The following ZNF462 variants were observed in gnomAD, a reference collection of about 807,000 sequenced individuals.
ZNF462 encodes the protein zinc finger protein 462.
A neutral mutation model predicts 201.9 loss-of-function variants in ZNF462; 10 were observed. The ratio of observed to expected loss-of-function variants is 0.05; its 90% CI spans 0.03 to 0.08. The LOEUF is 0.08. Ranked by LOEUF, ZNF462 falls within the 10% of genes least tolerant of loss-of-function variation. The pLI is 1.00. For missense variants in ZNF462, 2,523 were observed against 3,168.3 expected (o/e 0.80, Z 4.89); for synonymous variants, 1,227 against 1,193.3 (o/e 1.03, Z -0.58).
chr9:106,869,356 G>A (rs1564066734), intron 1 of ZNF462, among the ~76,000 whole-genome samples: 1 of 152,266 alleles, frequency 6.6e-6, no homozygotes, highest in East Asian at 1.9e-4. Context: ...CATTTTCCCA[G>A]TATACATGAA....
intron 7 of ZNF462, among the ~76,000 whole-genome samples, chr9:106,952,211 C>A (rs1189864782): frequency 6.6e-6 from 1 of 152,036 alleles, no homozygotes; most frequent in Admixed American, 6.6e-5. Flanking sequence ...ACATGCATGT[C>A]CTTAGTTAAA....
chr9:106,969,649 C>A (rs960121106), intron 7 of ZNF462, among the ~76,000 whole-genome samples: 1 of 152,052 alleles, frequency 6.6e-6, no homozygotes, highest in African/African-American at 2.4e-5. Flanking sequence ...AGATGACTAC[C>A]AGCATTCATA....
chr9:106,926,878 C>G lies in ZNF462; in HGVS notation c.2966C>G (p.Ala989Gly). The G allele has an allele frequency of 6.2e-7, 1 of 1,614,094 alleles. No homozygotes were observed. Among genetic ancestry groups the G allele is most frequent in the Non-Finnish European group, 8.5e-7 (1 of 1,180,030 alleles). The change falls in exon 3 of 13, where the codon GCG (alanine) becomes GGG (glycine). Residue 989 changes from alanine to glycine, a missense_variant. Around this residue, in one of 15 missense-constraint regions of ZNF462, gnomAD observed 280 missense variants for 321.3 expected, o/e 0.87. Coordinates refer to ENST00000277225, the MANE Select transcript of ZNF462 (RefSeq NM_021224.6). The surrounding 1 kb of genome is among the most constrained non-coding windows in gnomAD (Gnocchi z 7.9). ...CTGAATTCGGCTCCCAAGAACATGG[C>G]GACTTCCACACCTGTGGCTCGTGGT... ...EILNSAPKNM[A>G]TSTPVARGGG...
upstream of ZNF462, among the ~76,000 whole-genome samples, chr9:106,860,300 C>T (rs1047205214): frequency 6.6e-6 from 1 of 152,196 alleles, no homozygotes. The surrounding 1 kb of genome is among the most constrained non-coding windows in gnomAD (Gnocchi z 7.1). Flanking sequence ...GCCGCTTCCC[C>T]GGTCTTTGCC....
At position 106,890,339 on chromosome 9, in the gene ZNF462, G is replaced by T. The variant is rs776428651; in HGVS notation, c.-31+26984G>T. ...GCAACACATGCAGTGCCCCTTCCGGGAACACTGGTGATCTTCTGGTCTCTT... is the reference window on the plus strand; with the variant it reads ...GCAACACATGCAGTGCCCCTTCCGGTAACACTGGTGATCTTCTGGTCTCTT... On this transcript the variant is annotated intron_variant, in intron 1 of 12. Coordinates refer to ENST00000277225, the MANE Select transcript of ZNF462 (RefSeq NM_021224.6). The surrounding 1 kb of genome is among the most constrained non-coding windows in gnomAD (Gnocchi z 4.2). Among the ~76,000 whole-genome samples, 4 of 152,214 alleles carry T rather than the reference G, an allele frequency of 2.6e-5. No individual in the cohort carries two copies. The highest frequency in any genetic ancestry group is 4.4e-5 in the Non-Finnish European group (3 of 68,042).
chr9:106,991,701 A>C (rs1383913036), intron 10 of ZNF462, among the ~76,000 whole-genome samples: 3 of 151,990 alleles, frequency 2.0e-5, no homozygotes, highest in Non-Finnish European at 4.4e-5. Context: ...TCAAGAAATA[A>C]ACCCTCATAT....
chr9:106,949,135 A>C lies in ZNF462; in HGVS notation c.6427+10028A>C, dbSNP rs372227229. 1.7e-4 allele frequency among the ~76,000 whole-genome samples: 26 copies of C among 152,268 alleles called. 1 individual carries two copies. The South Asian group carries it at 5.0e-3, about 29-fold the overall frequency. ...AAGACTTTGTGAAAGGATAAATACA[A>C]AATAAGTTGGGTAGCTGATGACCCT... is the stretch of plus-strand genomic sequence containing the variant. On this transcript the variant is annotated intron_variant, in intron 7 of 12. Coordinates refer to ENST00000277225, the MANE Select transcript of ZNF462 (RefSeq NM_021224.6).
Position 106,895,173 on chromosome 9 carries a change from C to G in ZNF462, c.-30-28181C>G, listed in dbSNP as rs1031756558. 6.6e-6 allele frequency among the ~76,000 whole-genome samples: 1 copy of G among 152,110 alleles called. No individual in the cohort carries two copies. The highest frequency in any genetic ancestry group is 1.5e-5 in the Non-Finnish European group (1 of 68,018). Reference sequence around the variant, plus strand: ...TTATTGGCACTGTTCTTTTAAAATTCAGTTAAAAGTATCATTTTCCATTTA... The same window carrying G: ...TTATTGGCACTGTTCTTTTAAAATTGAGTTAAAAGTATCATTTTCCATTTA... On this transcript the variant is annotated intron_variant, in intron 1 of 12. Coordinates refer to ENST00000277225, the MANE Select transcript of ZNF462 (RefSeq NM_021224.6). The surrounding 1 kb of genome is among the most constrained non-coding windows in gnomAD (Gnocchi z 4.4).
Position 106,923,215 on chromosome 9 carries a change from A to G in ZNF462, c.-30-139A>G, listed in dbSNP as rs112425196. 8.8e-5 allele frequency: 56 copies of G among 637,178 alleles called. No homozygotes were observed. The highest frequency in any genetic ancestry group is 4.4e-4 in the African/African-American group (24 of 54,868). The allele number at this position is 637,178 out of a possible 1,614,324, so 39.5% of individuals were successfully genotyped here. Reference sequence around the variant, plus strand: ...ATGTCTGATTGCCTCTCTTTAGCCAATGTTCCAACTGGCAAAGTCCAATAA... The same window carrying G: ...ATGTCTGATTGCCTCTCTTTAGCCAGTGTTCCAACTGGCAAAGTCCAATAA... On this transcript the variant is annotated intron_variant, in intron 1 of 12. Coordinates refer to ENST00000277225, the MANE Select transcript of ZNF462 (RefSeq NM_021224.6). This position sits in a 1 kb window ranked among gnomAD's most constrained non-coding sequence, Gnocchi z 5.6.
At chr9:106,951,920 G>T (rs1831370130) in intron 7 of ZNF462, among the ~76,000 whole-genome samples, 1 of 151,294 alleles carries the variant, frequency 6.6e-6, no homozygotes, top group Non-Finnish European at 1.5e-5. Flanking sequence ...TGACTCTTTC[G>T]GTGTATTGCT....
At chr9:106,911,975 A>G (rs1178811953) in intron 1 of ZNF462, among the ~76,000 whole-genome samples, 1 of 152,236 alleles carries the variant, frequency 6.6e-6, no homozygotes, top group Non-Finnish European at 1.5e-5. Context: ...AGCGAAATCC[A>G]GTATGAACAA....
At chr9:106,998,125 C>A (rs1828881510) in intron 10 of ZNF462, among the ~76,000 whole-genome samples, 1 of 152,276 alleles carries the variant, frequency 6.6e-6, no homozygotes, top group Non-Finnish European at 1.5e-5. Flanking sequence ...GCTGCACATT[C>A]TTTTTAACAT....
rs1236632270 is a variant in ZNF462, at chr9:106,982,736, C to T, written c.6833-1450C>T. 3.3e-5 allele frequency among the ~76,000 whole-genome samples: 5 copies of T among 152,164 alleles called. No individual in the cohort carries two copies. The East Asian group carries it at 5.8e-4, about 18-fold the overall frequency. On this transcript the variant is annotated intron_variant, in intron 9 of 12. Transcript: ENST00000277225. ...CACGCTTCCTCTGCCCAGCATTTTGCGGGCCGATTAATCGCTGCCTTCAAG... is the reference window on the plus strand; with the variant it reads ...CACGCTTCCTCTGCCCAGCATTTTGTGGGCCGATTAATCGCTGCCTTCAAG...
In ZNF462 at chr9:107,011,207, G is replaced by A; in HGVS notation, c.*177G>A. The A allele has an allele frequency of 1.7e-6, 1 of 595,446 alleles. No individual in the cohort carries two copies. Among genetic ancestry groups the A allele is most frequent in the South Asian group, 2.1e-5 (1 of 47,892 alleles). 36.9% of individuals were successfully genotyped at this position (595,446 alleles called of 1,614,324 possible). On this transcript the variant is annotated 3_prime_UTR_variant, in exon 13 of 13. Transcript: ENST00000277225. The surrounding 1 kb of genome is among the most constrained non-coding windows in gnomAD (Gnocchi z 5.6). ...TGTGTGAGTGAGTATGTAAATTAAA[G>A]TTATTTAAATGGTTGGAATATGTGG...
At chr9:106,982,147 T>C (rs1827482634) in intron 9 of ZNF462, among the ~76,000 whole-genome samples, 1 of 152,194 alleles carries the variant, frequency 6.6e-6, no homozygotes. Flanking sequence ...TGTTCATGGG[T>C]TCTGTCCATG....
rs773360107 is a variant in ZNF462 at position 106,925,142 on chromosome 9, C to A, written c.1230C>A (p.Gly410=). 6.2e-7 allele frequency: 1 copy of A among 1,614,170 alleles called. No individual in the cohort carries two copies. The highest frequency in any genetic ancestry group is 8.5e-7 in the Non-Finnish European group (1 of 1,180,026). ...GTGCTATGGATCACCAGACATCAGG[C>A]CTGTCTGCAGAGCAGCTGATGGGCT... is the stretch of plus-strand genomic sequence containing the variant. ...GLSAMDHQTS[G]LSAEQLMGSD... is the part of the protein sequence containing the mutation. Residue 410 remains glycine, a synonymous_variant, in exon 3 of 13, where the codon GGC becomes GGA. Transcript: ENST00000277225. The surrounding 1 kb of genome is among the most constrained non-coding windows in gnomAD (Gnocchi z 7.9).
chr9:106,989,738 G>A (rs1015523637), intron 10 of ZNF462, among the ~76,000 whole-genome samples: 5 of 151,832 alleles, frequency 3.3e-5, no homozygotes, highest in South Asian at 2.1e-4. Context: ...GTCTGTTCAG[G>A]GTATCTAATT....
intron 7 of ZNF462, among the ~76,000 whole-genome samples, chr9:106,958,455 T>C (rs1831679489): frequency 6.6e-6 from 1 of 152,124 alleles, no homozygotes; most frequent in Non-Finnish European, 1.5e-5. Flanking sequence ...GGTCCTACTA[T>C]CTCACACTTT....
At chr9:107,002,003 C>G (rs936065658) in intron 10 of ZNF462, among the ~76,000 whole-genome samples, 5 of 152,100 alleles carry the variant, frequency 3.3e-5, no homozygotes, top group African/African-American at 1.2e-4. Flanking sequence ...TGTCTAAGGC[C>G]TGGTACGCTG....
Sources: allele counts gnomAD v4.1 joint callset (sites outside exome capture counted in the v4.1 genomes callset), GRCh38; gene constraint gnomAD v4.1.1; regional missense constraint gnomAD v4.1.1; non-coding constraint Gnocchi (gnomAD v3.1); transcripts MANE v1.5; gene names NCBI Gene and HGNC (gene_info 2026-07-23, HGNC 2026-07-21).